Variants in CEP72 observed in about 807,000 individuals in gnomAD.
CEP72 encodes centrosomal protein of 72 kDa.
A neutral mutation model predicts 65.7 loss-of-function variants in CEP72; 78 were observed. That is an observed-to-expected ratio of 1.19 (90% CI 0.99 to 1.43). CEP72 has a LOEUF of 1.43. CEP72 is among the 40% of genes most tolerant of loss of function. The pLI is 0.00. For synonymous variants in CEP72, 358 were observed against 351.7 expected (o/e 1.02, Z -0.20); for missense variants, 914 against 832.9 (o/e 1.10, Z -1.20).
At chr5:668,459 C>T (rs1354508657), downstream of CEP72, among the ~76,000 whole-genome samples, 6 of 110,240 alleles carry the variant, frequency 5.4e-5, no homozygotes, top group African/African-American at 9.6e-5. Context: ...GACAAGCACA[C>T]GGAGAGGGGG....
chr5:646,171 G>A (rs1287535081), intron 10 of CEP72, among the ~76,000 whole-genome samples: 1 of 152,252 alleles, frequency 6.6e-6, no homozygotes, highest in African/African-American at 2.4e-5. Flanking sequence ...CCATCAGTGC[G>A]AAGCGAGGAC....
At chr5:670,040 G>A (rs986059379), downstream of CEP72, among the ~76,000 whole-genome samples, 25 of 152,064 alleles carry the variant, frequency 1.6e-4, no homozygotes, top group Non-Finnish European at 2.5e-4. Flanking sequence ...GCTCATACAC[G>A]ATGCCCTGCG....
At chr5:636,210 C>T (rs1361842075) in intron 6 of CEP72, among the ~76,000 whole-genome samples, 1 of 152,208 alleles carries the variant, frequency 6.6e-6, no homozygotes, top group African/African-American at 2.4e-5. Flanking sequence ...GAAATTTCTC[C>T]TGTTCTCTGT....
At chr5:638,115 C>T (rs561243199) in intron 7 of CEP72, among the ~76,000 whole-genome samples, 1 of 152,198 alleles carries the variant, frequency 6.6e-6, no homozygotes, top group Admixed American at 6.5e-5. Context: ...TTTTGTTGGA[C>T]GTGTGCCTCT....
rs183986910 is a variant in CEP72, at chr5:627,247, C to T, written c.512+2668C>T. Among the ~76,000 whole-genome samples the T allele has an allele frequency of 2.6e-3, 393 of 152,358 alleles. 3 individuals are homozygous for T. Among genetic ancestry groups the T allele is most frequent in the Non-Finnish European group, 4.7e-3 (318 of 68,032 alleles). On this transcript the variant is annotated intron_variant, in intron 4 of 11. Transcript: ENST00000264935. ...GAATTGGTCGTCTCATCTGAGTTGT[C>T]ACGTTGGTGGGCCTAGATAGATGTT... is the stretch of plus-strand genomic sequence containing the variant.
At position 633,792 on chromosome 5, in the gene CEP72, G is replaced by A. The variant is rs370623691; in HGVS notation, c.536G>A (p.Cys179Tyr). ...AGACCACACCACCCCAGAGCCAAGT[G>A]CACCGAGGCCTTGGCCAAGCAGAGC... Reference protein sequence around the residue: ...EGRPHHPRAKCTEALAKQSLV... With the variant: ...EGRPHHPRAKYTEALAKQSLV... The change falls in exon 5 of 12, where the codon TGC (cysteine) becomes TAC (tyrosine). Residue 179 changes from cysteine (C) to tyrosine (Y), a missense_variant. By Grantham distance (194) the Cys-to-Tyr change is radical. Coordinates refer to ENST00000264935, the MANE Select transcript of CEP72 (RefSeq NM_018140.4). 1.1e-5 allele frequency: 17 copies of A among 1,613,986 alleles called. No homozygotes were observed. Among genetic ancestry groups the A allele is most frequent in the Non-Finnish European group, 1.4e-5 (17 of 1,180,042 alleles).
intron 11 of CEP72, among the ~76,000 whole-genome samples, chr5:648,331 G>A (rs1738565757): frequency 7.8e-6 from 1 of 128,268 alleles, no homozygotes; most frequent in Non-Finnish European, 1.6e-5. Flanking sequence ...GTGAGGCATG[G>A]ACTGTGAGGT....
At chr5:667,950 G>C (rs1321540478), downstream of CEP72, among the ~76,000 whole-genome samples, 2 of 57,048 alleles carry the variant, frequency 3.5e-5, no homozygotes, top group African/African-American at 2.3e-4. Flanking sequence ...CCGTGTGGGC[G>C]CCGTCAGGGA....
At chr5:671,401 C>A (rs1028594809), downstream of CEP72, among the ~76,000 whole-genome samples, 1 of 152,186 alleles carries the variant, frequency 6.6e-6, no homozygotes, top group African/African-American at 2.4e-5. Flanking sequence ...TCGGCTGCCT[C>A]CATCCACCCC....
the CEP72 span, among the ~76,000 whole-genome samples, chr5:672,210 C>G: frequency 6.6e-6 from 1 of 152,058 alleles, no homozygotes; most frequent in Admixed American, 6.5e-5. Flanking sequence ...GCCGGCTGGC[C>G]GGGGGGGTGT....
downstream of CEP72, among the ~76,000 whole-genome samples, chr5:671,138 C>A (rs373330744): frequency 2.2e-3 from 337 of 152,352 alleles, 1 homozygote; most frequent in African/African-American, 7.3e-3. Flanking sequence ...AAGGCTCCCC[C>A]CTGCCTGAGG....
Position 637,759 on chromosome 5 carries a change from C to T in CEP72, c.1147C>T (p.Gln383Ter). Residue 383 changes from glutamine to a stop codon, truncating the protein, a stop_gained, in exon 7 of 12, where the codon CAG becomes TAG. Transcript: ENST00000264935. LOFTEE classifies it high-confidence loss of function. Reference protein sequence around the residue: ...SESRNGRTLSQPEASETEEQR... With the variant: ...SESRNGRTLS Reference sequence around the variant, plus strand: ...AAGCAGGAACGGGAGGACCTTGTCTCAGCCTGAGGCCTCGGAGACTGAGGA... The same window carrying T: ...AAGCAGGAACGGGAGGACCTTGTCTTAGCCTGAGGCCTCGGAGACTGAGGA... 2 of 1,610,442 alleles carry T rather than the reference C, an allele frequency of 1.2e-6. No individual in the cohort carries two copies. Among genetic ancestry groups the T allele is most frequent in the Non-Finnish European group, 1.7e-6 (2 of 1,178,196 alleles).
intron 9 of CEP72, chr5:641,920 A>C (rs1383311170): frequency 2.1e-6 from 2 of 957,956 alleles, no homozygotes; most frequent in Admixed American, 7.3e-5. Flanking sequence ...GCATTTAAAC[A>C]CACGTGGTCC....
intron 1 of CEP72, among the ~76,000 whole-genome samples, chr5:617,554 C>T (rs1236477746): frequency 2.0e-5 from 3 of 152,200 alleles, no homozygotes; most frequent in Non-Finnish European, 2.9e-5. Flanking sequence ...GGTCACTGCA[C>T]CTTGTCCCCT....
chr5:670,760 A>C (rs1740192412), downstream of CEP72, among the ~76,000 whole-genome samples: 1 of 152,154 alleles, frequency 6.6e-6, no homozygotes, highest in Non-Finnish European at 1.5e-5. Flanking sequence ...CCCCAGCAAG[A>C]TACAGAGGAC....
intron 4 of CEP72, among the ~76,000 whole-genome samples, chr5:627,259 C>T (rs545940709): frequency 3.3e-5 from 5 of 152,276 alleles, no homozygotes; most frequent in African/African-American, 1.2e-4. Flanking sequence ...CGTTGGTGGG[C>T]CTAGATAGAT....
At chr5:669,152 G>C (rs1309682088), downstream of CEP72, among the ~76,000 whole-genome samples, 1 of 152,210 alleles carries the variant, frequency 6.6e-6, no homozygotes, top group Non-Finnish European at 1.5e-5. Flanking sequence ...TGTCCGGAGG[G>C]GGCTTTGGGG....
chr5:645,020 C>T lies in CEP72; in HGVS notation c.1666+595C>T, dbSNP rs1471214866. On this transcript the variant is annotated intron_variant, in intron 10 of 11. Transcript: ENST00000264935. The surrounding 1 kb of genome is among the most constrained non-coding windows in gnomAD (Gnocchi z 4.0). ...GGAAATGCTGATGGAGTCTGCTGTCCACGGTAACCTTCTCGGTGTGGCGTG... is the reference window on the plus strand; with the variant it reads ...GGAAATGCTGATGGAGTCTGCTGTCTACGGTAACCTTCTCGGTGTGGCGTG... 6.6e-6 allele frequency among the ~76,000 whole-genome samples: 1 copy of T among 150,818 alleles called. No individual in the cohort carries two copies. Among genetic ancestry groups the T allele is most frequent in the Non-Finnish European group, 1.5e-5 (1 of 67,788 alleles).
chr5:654,434 T>C (rs1246756763), downstream of CEP72, among the ~76,000 whole-genome samples: 2 of 150,330 alleles, frequency 1.3e-5, no homozygotes, highest in Non-Finnish European at 3.0e-5. Flanking sequence ...GTGTGTCTGC[T>C]AGCTGTGTGT....
Sources: allele counts gnomAD v4.1 joint callset (sites outside exome capture counted in the v4.1 genomes callset), GRCh38; gene constraint gnomAD v4.1.1; non-coding constraint Gnocchi (gnomAD v3.1); transcripts MANE v1.5; gene names NCBI Gene and HGNC (gene_info 2026-07-23, HGNC 2026-07-21).